NTMT1: variants seen among roughly 807,000 people sequenced by gnomAD.
NTMT1 encodes the protein N-terminal Xaa-Pro-Lys N-methyltransferase 1, also known as N-terminal RCC1 methyltransferase.
A neutral mutation model predicts 17.5 loss-of-function variants in NTMT1; 8 were observed. The observed-to-expected ratio is 0.46, with a 90% CI of 0.27 to 0.82. NTMT1 has a LOEUF of 0.82. Among genes scored for constraint, NTMT1 ranks in the 40% least tolerant of loss-of-function variants. The pLI, the probability that NTMT1 is intolerant of heterozygous loss-of-function variation, is 0.15. For missense variants in NTMT1, 221 were observed against 303.5 expected (o/e 0.73, Z 2.02); for synonymous variants, 128 against 126.8 (o/e 1.01, Z -0.06).
rs1831363075 is a variant in NTMT1, at chr9:129,634,081, T to C, written c.190T>C (p.Cys64Arg). The C allele has an allele frequency of 5.0e-6, 8 of 1,614,036 alleles. No individual in the cohort carries two copies. Among genetic ancestry groups the C allele is most frequent in the African/African-American group, 1.3e-5 (1 of 75,042 alleles). The change falls in exon 3 of 4, where the codon TGT becomes CGT. Residue 64 changes from cysteine (C) to arginine (R), a missense_variant. Transcript: ENST00000372483. ...REGPNKTGTS[C>R]ALDCGAGIGR... ...AGGCCCGAACAAGACAGGAACGTCC[T>C]GTGCCCTGGACTGTGGAGCTGGCAT...
chr9:129,622,387 G>A (rs1830760775), upstream of NTMT1, among the ~76,000 whole-genome samples: 5 of 152,088 alleles, frequency 3.3e-5, no homozygotes, highest in South Asian at 1.0e-3. Flanking sequence ...CAGCTACTTG[G>A]GAGGCTGAGA....
intron 2 of NTMT1, chr9:129,633,109 G>T: frequency 1.9e-6 from 1 of 515,838 alleles, no homozygotes. Flanking sequence ...TGCCTGAATT[G>T]GGCAAACCTC....
In NTMT1 at chr9:129,631,644, C is replaced by A. The variant is rs932511098; in HGVS notation, c.-54-1006C>A. Reference sequence around the variant, plus strand: ...GACTCATTGCTCTGTAGGATGCAGTCGAAACTGCTAGAGTTGACTGTGAGA... The same window carrying A: ...GACTCATTGCTCTGTAGGATGCAGTAGAAACTGCTAGAGTTGACTGTGAGA... On this transcript the variant is annotated intron_variant, in intron 1 of 3. Coordinates refer to ENST00000372483, the MANE Select transcript of NTMT1 (RefSeq NM_014064.4). Among the ~76,000 whole-genome samples, 4 of 152,194 alleles carry A rather than the reference C, an allele frequency of 2.6e-5. No homozygotes were observed. The South Asian group carries it at 8.3e-4, about 32-fold the overall frequency.
intron 1 of NTMT1, among the ~76,000 whole-genome samples, chr9:129,626,994 A>G (rs1830931903): frequency 6.6e-6 from 1 of 152,182 alleles, no homozygotes; most frequent in Non-Finnish European, 1.5e-5. Flanking sequence ...TGGTGTGTAG[A>G]ATGATTGCCC....
chr9:129,615,345 G>T, intron 1 of NTMT1: 2 of 951,054 alleles, frequency 2.1e-6, no homozygotes, highest in Non-Finnish European at 3.0e-6. Flanking sequence ...GGCCAGTTCA[G>T]GCACATCCTC....
At position 129,620,097 on chromosome 9, in the gene NTMT1, C is replaced by T. The variant is rs1422260294; in HGVS notation, c.-55+10919C>T. 11 of 1,452,082 alleles carry T rather than the reference C, an allele frequency of 7.6e-6. No individual in the cohort carries two copies. The East Asian group carries it at 2.3e-4, about 30-fold the overall frequency. 89.9% of individuals were successfully genotyped at this position (1,452,082 alleles called of 1,614,324 possible). The stretch of plus-strand genomic sequence containing the variant: ...GGCTCCGGCTCCTCGGCGCACTTCT[C>T]CTGGAGCTGGTGCAGGAACTCACGG... On this transcript the variant is annotated intron_variant, in intron 1 of 3. Coordinates refer to the NTMT1 transcript ENST00000372486. This position sits in a 1 kb window ranked among gnomAD's most constrained non-coding sequence, Gnocchi z 5.8.
At chr9:129,611,465 G>C (rs1197077735) in intron 1 of NTMT1, among the ~76,000 whole-genome samples, 1 of 152,228 alleles carries the variant, frequency 6.6e-6, no homozygotes, top group Admixed American at 6.5e-5. Context: ...GAAACCGTGG[G>C]CCCCAGCCCG....
chr9:129,634,197 C>T lies in NTMT1; in HGVS notation c.306C>T (p.Thr102=). The T allele has an allele frequency of 1.2e-6, 2 of 1,614,194 alleles. No individual in the cohort carries two copies. Among genetic ancestry groups the T allele is most frequent in the South Asian group, 1.1e-5 (1 of 91,082 alleles). Residue 102 remains threonine (T), a synonymous_variant, in exon 3 of 4, where the codon ACC becomes ACT. Transcript: ENST00000372483. ...ITEDFLVQAK[T]YLGEEGKRVR... ...AGGACTTCCTGGTTCAAGCCAAGACCTACCTGGGGGAGGAGGGCAAGAGGG... is the reference window on the plus strand; with the variant it reads ...AGGACTTCCTGGTTCAAGCCAAGACTTACCTGGGGGAGGAGGGCAAGAGGG...
chr9:129,628,122 C>T (rs1830983944), intron 1 of NTMT1, among the ~76,000 whole-genome samples: 2 of 152,214 alleles, frequency 1.3e-5, no homozygotes, highest in Non-Finnish European at 2.9e-5. Flanking sequence ...CTCCCAGGCC[C>T]TTCAGCCACA....
At position 129,634,127 on chromosome 9, in the gene NTMT1, T is replaced by C. The variant is rs1831366138; in HGVS notation, c.236T>C (p.Leu79Pro). ...GGCATTGGGAGGATCACCAAGCGGC[T>C]GCTCCTGCCGCTGTTCAGAGAGGTG... ...GAGIGRITKR[L>P]LLPLFREVDM... Residue 79 changes from leucine (L) to proline (P), a missense_variant, in exon 3 of 4, where the codon CTG becomes CCG. By Grantham distance (98) the Leu-to-Pro change is moderately conservative (BLOSUM62 -3). Transcript: ENST00000372483. 6.2e-7 allele frequency: 1 copy of C among 1,613,962 alleles called. No individual in the cohort carries two copies. Among genetic ancestry groups the C allele is most frequent in the Non-Finnish European group, 8.5e-7 (1 of 1,180,000 alleles).
chr9:129,625,918 A>G (rs529006546), upstream of NTMT1, among the ~76,000 whole-genome samples: 48 of 151,786 alleles, frequency 3.2e-4, no homozygotes, highest in South Asian at 6.0e-3. Flanking sequence ...AGGCTGACGC[A>G]GGAGAATCGC....
chr9:129,612,246 C>T, intron 1 of NTMT1: 1 of 965,558 alleles, frequency 1.0e-6, no homozygotes, highest in Non-Finnish European at 1.6e-6. Context: ...CACCTACTGG[C>T]AGGTCCCAGC....
Position 129,614,903 on chromosome 9 carries a change from G to GAAA in NTMT1, c.-55+5734_-55+5736dup, listed in dbSNP as rs3054726. ...GGCGACAGAGTGAGACTCCGTATCAGAAAAAAAAAAAGAAAAAGAAAACTC... is the reference window on the plus strand; with the variant it reads ...GGCGACAGAGTGAGACTCCGTATCAGAAAAAAAAAAAAAAGAAAAAGAAAACTC... On this transcript the variant is annotated intron_variant, in intron 1 of 3. Coordinates refer to the NTMT1 transcript ENST00000372486. The surrounding 1 kb of genome is among the most constrained non-coding windows in gnomAD (Gnocchi z 4.4). Among the ~76,000 whole-genome samples the GAAA allele has an allele frequency of 1.6e-4, 23 of 144,354 alleles. No homozygotes were observed. The highest frequency in any genetic ancestry group is 5.3e-4 in the African/African-American group (21 of 39,440). 94.7% of individuals were successfully genotyped at this position (144,354 alleles called of 152,430 possible). A position where few individuals can be genotyped will look rare whatever the true frequency, so the allele number is the denominator to read the frequency against.
At chr9:129,616,250 C>G (rs1013404930) in intron 1 of NTMT1, among the ~76,000 whole-genome samples, 6 of 152,226 alleles carry the variant, frequency 3.9e-5, no homozygotes, top group African/African-American at 9.6e-5. Context: ...GATTCTCGCT[C>G]TGTGGCTCAG....
chr9:129,635,437 C>T lies in NTMT1; in HGVS notation c.645C>T (p.Tyr215=), dbSNP rs780090427. The change falls in exon 4 of 4, where the codon TAC becomes TAT. Residue 215 remains tyrosine, a synonymous_variant. Transcript: ENST00000372483. ...ERQENLPDEI[Y]HVYSFALR ...AGGAGAACCTCCCCGATGAGATCTA[C>T]CATGTCTATAGCTTTGCCCTGAGAT... The T allele has an allele frequency of 1.9e-5, 30 of 1,613,210 alleles. No homozygotes were observed. In the Admixed American group the frequency reaches 2.0e-4, roughly 11 times the overall value.
At chr9:129,610,100 T>G (rs1231276396) in intron 1 of NTMT1, among the ~76,000 whole-genome samples, 1 of 149,166 alleles carries the variant, frequency 6.7e-6, no homozygotes, top group East Asian at 2.0e-4. Context: ...GTCCTCCATC[T>G]GTGGTCTGCG....
rs1396334109 is a variant in NTMT1 at position 129,614,412 on chromosome 9, C to T, written c.-55+5234C>T. On this transcript the variant is annotated intron_variant, in intron 1 of 3. Coordinates refer to the NTMT1 transcript ENST00000372486. The surrounding 1 kb of genome is among the most constrained non-coding windows in gnomAD (Gnocchi z 4.4). Reference sequence around the variant, plus strand: ...TGCAGGGCATCGCCCACAGCTAGACCTTGAGGCAGACATTTCCTGAAACTG... The same window carrying T: ...TGCAGGGCATCGCCCACAGCTAGACTTTGAGGCAGACATTTCCTGAAACTG... Among the ~76,000 whole-genome samples the T allele has an allele frequency of 6.6e-6, 1 of 152,202 alleles. No homozygotes were observed. Among genetic ancestry groups the T allele is most frequent in the Non-Finnish European group, 1.5e-5 (1 of 68,042 alleles).
chr9:129,620,146 T>A lies in NTMT1; in HGVS notation c.-55+10968T>A, dbSNP rs1225967454. 2.7e-6 allele frequency: 4 copies of A among 1,462,570 alleles called. No individual in the cohort carries two copies. The East Asian group carries it at 1.0e-4, about 37-fold the overall frequency. 90.6% of individuals were successfully genotyped at this position (1,462,570 alleles called of 1,614,324 possible). A position where few individuals can be genotyped will look rare whatever the true frequency, so the allele number is the denominator to read the frequency against. ...GGAACCTGCTGGGGAGGAGCTCTCC[T>A]AGGAAGGCGCCCAAGAAGTCGGGGT... is the stretch of plus-strand genomic sequence containing the variant. On this transcript the variant is annotated intron_variant, in intron 1 of 3. Coordinates refer to the NTMT1 transcript ENST00000372486. The surrounding 1 kb of genome is among the most constrained non-coding windows in gnomAD (Gnocchi z 5.8).
chr9:129,629,380 G>A (rs1719554410), intron 1 of NTMT1, among the ~76,000 whole-genome samples: 1 of 79,470 alleles, frequency 1.3e-5, no homozygotes, highest in Non-Finnish European at 2.6e-5. Context: ...CTGGTGGGAA[G>A]AAGAATTCAT....
Sources: allele counts gnomAD v4.1 joint callset (sites outside exome capture counted in the v4.1 genomes callset), GRCh38; gene constraint gnomAD v4.1.1; non-coding constraint Gnocchi (gnomAD v3.1); transcripts MANE v1.5; gene names NCBI Gene and HGNC (gene_info 2026-07-23, HGNC 2026-07-21).